The following KCNN3 variants were observed in gnomAD, a reference collection of about 807,000 sequenced individuals.
The protein encoded by KCNN3 is potassium calcium-activated channel subfamily N member 3.
Under a neutral mutation model 62.9 loss-of-function variants are expected in KCNN3, and 16 were observed. That is an observed-to-expected ratio of 0.25 (90% CI 0.17 to 0.39). The LOEUF is 0.39. KCNN3 is among the 10% of genes least tolerant of loss of function. The pLI is 1.00. For synonymous variants in KCNN3, 370 were observed against 389.2 expected, an observed-to-expected ratio of 0.95 and a Z score of 0.58; for missense variants, 599 against 949.4, an observed-to-expected ratio of 0.63 and a Z score of 4.85.
At chr1:154,835,120 C>T (rs1651534809) in intron 1 of KCNN3, among the ~76,000 whole-genome samples, 1 of 152,156 alleles carries the variant, frequency 6.6e-6, no homozygotes, top group Non-Finnish European at 1.5e-5. Flanking sequence ...ATCCTTTCTT[C>T]CTTCCAGGGT....
chr1:154,734,029 C>A (rs1242509396), intron 3 of KCNN3, among the ~76,000 whole-genome samples: 1 of 152,144 alleles, frequency 6.6e-6, no homozygotes, highest in African/African-American at 2.4e-5. Flanking sequence ...TGACCTTGAC[C>A]CAAACACATG....
chr1:154,739,194 G>A (rs544896253), intron 3 of KCNN3, among the ~76,000 whole-genome samples: 27 of 152,276 alleles, frequency 1.8e-4, no homozygotes, highest in Non-Finnish European at 2.4e-4. Context: ...CAAATACCAC[G>A]GAAGGATTGA....
At chr1:154,736,398 G>C (rs993008297) in intron 3 of KCNN3, among the ~76,000 whole-genome samples, 1 of 152,188 alleles carries the variant, frequency 6.6e-6, no homozygotes, top group South Asian at 2.1e-4. Flanking sequence ...GTTTAGGCTG[G>C]AGAACTATTT....
intron 1 of KCNN3, among the ~76,000 whole-genome samples, chr1:154,839,966 G>T (rs547014185): frequency 6.6e-6 from 1 of 152,218 alleles, no homozygotes; most frequent in Non-Finnish European, 1.5e-5. Flanking sequence ...ACAGAGCTGG[G>T]GGGAGGGGCA....
chr1:154,843,639 C>T (rs1037199774), intron 1 of KCNN3, among the ~76,000 whole-genome samples: 2 of 152,178 alleles, frequency 1.3e-5, no homozygotes, highest in Non-Finnish European at 2.9e-5. Flanking sequence ...AGGCCCCTTA[C>T]AGCAGAGGCT....
intron 3 of KCNN3, among the ~76,000 whole-genome samples, chr1:154,748,312 C>T (rs1472569511): frequency 1.3e-5 from 2 of 152,162 alleles, no homozygotes; most frequent in Non-Finnish European, 2.9e-5. Flanking sequence ...CTTTCTCTCT[C>T]CTGGTTGAGC....
At chr1:154,829,880 T>G (rs1195188931) in intron 1 of KCNN3, among the ~76,000 whole-genome samples, 1 of 152,194 alleles carries the variant, frequency 6.6e-6, no homozygotes, top group East Asian at 1.9e-4. Flanking sequence ...CCATTGGCAC[T>G]GCCCAGCTGG....
At chr1:154,717,408 C>G (rs1700254029) in intron 5 of KCNN3, among the ~76,000 whole-genome samples, 1 of 152,156 alleles carries the variant, frequency 6.6e-6, no homozygotes, top group Non-Finnish European at 1.5e-5. Context: ...GATGTGAGAG[C>G]CAGAATCACA....
intron 7 of KCNN3, among the ~76,000 whole-genome samples, chr1:154,712,745 C>A (rs1336224879): frequency 6.6e-6 from 1 of 152,160 alleles, no homozygotes. Flanking sequence ...TCAGTGGCAC[C>A]GACTCTCAGC....
intron 2 of KCNN3, among the ~76,000 whole-genome samples, chr1:154,792,468 G>T (rs1438420643): frequency 1.3e-5 from 2 of 152,218 alleles, no homozygotes; most frequent in Non-Finnish European, 2.9e-5. Context: ...TCCTCATCAA[G>T]TATAATCCCA....
Position 154,724,123 on chromosome 1 carries a change from T to C in KCNN3, c.1701+1793A>G, listed in dbSNP as rs997445870. On this transcript the variant is annotated intron_variant, in intron 5 of 7. Coordinates refer to ENST00000271915, the MANE Select transcript of KCNN3 (RefSeq NM_002249.6). The stretch of plus-strand genomic sequence containing the variant: ...AGTTCCTTTTAATGTCTGTTAAGGC[T>C]CTTTACAGAATCCAATAAATGTAAT... Among the ~76,000 whole-genome samples, 4 of 152,226 alleles carry C rather than the reference T, an allele frequency of 2.6e-5. No homozygotes were observed. In the East Asian group the frequency reaches 7.7e-4, roughly 29 times the overall value.
intron 2 of KCNN3, among the ~76,000 whole-genome samples, chr1:154,817,418 C>T (rs2101890337): frequency 6.6e-6 from 1 of 152,350 alleles, no homozygotes; most frequent in South Asian, 2.1e-4. Context: ...ATCTTAGAGG[C>T]TTTCCCGAAA....
Position 154,707,687 on chromosome 1 carries a change from C to A in KCNN3, c.*289G>T. ...CCCCGCGTGAAGACCTGAGATTGAG[C>A]GTGGATTTCTGTTCTCCACCAACTC... On this transcript the variant is annotated 3_prime_UTR_variant, in exon 8 of 8. Coordinates refer to ENST00000271915, the MANE Select transcript of KCNN3 (RefSeq NM_002249.6). 2.8e-6 allele frequency: 1 copy of A among 355,568 alleles called. No individual in the cohort carries two copies. Among genetic ancestry groups the A allele is most frequent in the Non-Finnish European group, 5.1e-6 (1 of 195,054 alleles). 22.0% of individuals were successfully genotyped at this position (355,568 alleles called of 1,614,324 possible).
chr1:154,737,064 A>C lies in KCNN3; in HGVS notation c.1449-3920T>G, dbSNP rs112506792. ...CTCACCAAGCAGGAAGTGATGAGCC[A>C]GAAGGCTGGGCTGGTGATTCAGGAC... On this transcript the variant is annotated intron_variant, in intron 3 of 7. Coordinates refer to ENST00000271915, the MANE Select transcript of KCNN3 (RefSeq NM_002249.6). The C allele has an allele frequency of 9.3e-3, 6,560 of 702,356 alleles. 53 individuals carry two copies. Among genetic ancestry groups the C allele is most frequent in the Middle Eastern group, 0.037 (159 of 4,356 alleles). 43.5% of individuals were successfully genotyped at this position (702,356 alleles called of 1,614,324 possible).
chr1:154,725,765 G>A, intron 5 of KCNN3, 151 bp downstream of exon 5: 1 of 676,000 alleles, frequency 1.5e-6, no homozygotes, highest in Non-Finnish European at 2.7e-6. Flanking sequence ...GGATGGTCTT[G>A]ATCTCCTGAC....
chr1:154,715,393 G>T (rs574598447), intron 5 of KCNN3, among the ~76,000 whole-genome samples: 1 of 129,776 alleles, frequency 7.7e-6, no homozygotes, highest in African/African-American at 2.9e-5. Flanking sequence ...CTGAGATCAC[G>T]CCATACTCCA....
chr1:154,756,037 AAGGAGG>A (rs143102625), intron 3 of KCNN3, among the ~76,000 whole-genome samples: 1 of 96,568 alleles, frequency 1.0e-5, no homozygotes, highest in Non-Finnish European at 1.9e-5. Context: ...CGATGATGAA[AAGGAGG>A]AGGAGGAGGA....
chr1:154,744,544 G>A (rs1012702892), intron 3 of KCNN3, among the ~76,000 whole-genome samples: 1 of 152,240 alleles, frequency 6.6e-6, no homozygotes, highest in Non-Finnish European at 1.5e-5. Flanking sequence ...TGATGGCCGG[G>A]AGGCTCTGTA....
In KCNN3 at chr1:154,725,073, C is replaced by G. The variant is rs144954053; in HGVS notation, c.1701+843G>C. On this transcript the variant is annotated intron_variant, in intron 5 of 7. Coordinates refer to ENST00000271915, the MANE Select transcript of KCNN3 (RefSeq NM_002249.6). ...GGTTTCACATGTTGGCCAGGATGGT[C>G]TCGATCTCTTGACCTCATGCTCCGC... 3.9e-3 allele frequency among the ~76,000 whole-genome samples: 599 copies of G among 152,198 alleles called. 3 individuals are homozygous for G. Among genetic ancestry groups the G allele is most frequent in the African/African-American group, 0.014 (578 of 41,522 alleles).
Sources: gnomAD v4.1 joint callset for allele counts (sites outside exome capture counted in the v4.1 genomes callset) on GRCh38, gnomAD v4.1.1 for gene constraint, MANE v1.5 for transcripts, NCBI Gene and HGNC (gene_info 2026-07-23, HGNC 2026-07-21) for gene names.